HPGDS: variants seen among roughly 807,000 people sequenced by gnomAD.
HPGDS encodes hematopoietic prostaglandin D synthase.
In HPGDS, 26 loss-of-function variants were observed where a neutral mutation model predicts 23.1. The observed-to-expected ratio is 1.13, with a 90% CI of 0.83 to 1.56. The LOEUF (loss-of-function observed/expected upper bound fraction) is 1.56, where lower values mean the gene tolerates loss of function less well. HPGDS is among the 40% of genes most tolerant of loss of function. The pLI, the probability that HPGDS is intolerant of heterozygous loss-of-function variation, is 0.00. For missense variants in HPGDS, 268 were observed against 236.4 expected (o/e 1.13, Z -0.88); for synonymous variants, 95 against 77.9 (o/e 1.22, Z -1.16).
In HPGDS at chr4:94,299,505, T is replaced by C. The variant is rs952826931; in HGVS notation, c.575A>G (p.Lys192Arg). 6.2e-7 allele frequency: 1 copy of C among 1,613,230 alleles called. No homozygotes were observed. The highest frequency in any genetic ancestry group is 1.3e-5 in the African/African-American group (1 of 74,720). The change falls in exon 6 of 6, where the codon AAA (lysine) becomes AGA (arginine). Residue 192 changes from lysine (K) to arginine (R), a missense_variant. Physicochemically the swap from Lys to Arg is conservative, Grantham distance 26. Transcript: ENST00000295256. ...CTAGAGTTTGGTTTGGGGCCTTCGT[T>C]TTATCCAGTTAGCGACGGCAGGAAT... is the stretch of plus-strand genomic sequence containing the variant. ...QAIPAVANWI[K>R]RRPQTKL
intron 1 of HPGDS, among the ~76,000 whole-genome samples, chr4:94,339,422 G>A (rs1721089647): frequency 6.6e-6 from 1 of 152,098 alleles, no homozygotes; most frequent in South Asian, 2.1e-4. Context: ...AGTATATCGT[G>A]TAAAGTTACT....
intron 2 of HPGDS, among the ~76,000 whole-genome samples, chr4:94,329,480 T>C (rs1447803264): frequency 6.6e-6 from 1 of 152,184 alleles, no homozygotes; most frequent in Non-Finnish European, 1.5e-5. Flanking sequence ...CTTGGCACTC[T>C]TCACCTGGAG....
intron 3 of HPGDS, among the ~76,000 whole-genome samples, chr4:94,316,686 G>T (rs914398458): frequency 6.6e-6 from 1 of 152,114 alleles, no homozygotes; most frequent in Non-Finnish European, 1.5e-5. Flanking sequence ...TTTTCTCTCT[G>T]CTTAGAATGT....
At chr4:94,323,563 T>C (rs1269064348) in intron 2 of HPGDS, among the ~76,000 whole-genome samples, 4 of 152,200 alleles carry the variant, frequency 2.6e-5, no homozygotes, top group African/African-American at 9.7e-5. Flanking sequence ...AAGTCTGTTT[T>C]ATCAGAGAGT....
chr4:94,306,039 AAC>A (rs1451358217), intron 4 of HPGDS, among the ~76,000 whole-genome samples: 2 of 152,124 alleles, frequency 1.3e-5, no homozygotes, highest in African/African-American at 4.8e-5. Flanking sequence ...AGCTGAGAGT[AAC>A]ACAGGCACAT....
chr4:94,323,686 C>G (rs1442901356), intron 2 of HPGDS, among the ~76,000 whole-genome samples: 1 of 152,106 alleles, frequency 6.6e-6, no homozygotes, highest in African/African-American at 2.4e-5. Context: ...CTCCTGAATA[C>G]AGCACACTGA....
chr4:94,317,118 A>G (rs907388868), intron 3 of HPGDS, among the ~76,000 whole-genome samples: 15 of 148,988 alleles, frequency 1.0e-4, no homozygotes, highest in African/African-American at 3.6e-4. Context: ...GTATGTGTCT[A>G]TGGCTTGGAT....
intron 1 of HPGDS, among the ~76,000 whole-genome samples, chr4:94,339,854 T>C (rs1721101993): frequency 6.6e-6 from 1 of 152,074 alleles, no homozygotes; most frequent in Non-Finnish European, 1.5e-5. Context: ...ACTGACTTCA[T>C]GGTAGTAAAT....
chr4:94,313,298 G>T (rs947392541), intron 3 of HPGDS, among the ~76,000 whole-genome samples: 7 of 152,148 alleles, frequency 4.6e-5, no homozygotes, highest in Admixed American at 2.0e-4. Flanking sequence ...TCCATGTTTA[G>T]TGCTTCCTTC....
At chr4:94,325,278 C>A (rs1051617289) in intron 2 of HPGDS, among the ~76,000 whole-genome samples, 3 of 152,212 alleles carry the variant, frequency 2.0e-5, no homozygotes, top group Non-Finnish European at 2.9e-5. Context: ...TCTCAGAACT[C>A]AAACACCATG....
At chr4:94,317,048 T>C (rs887985860) in intron 3 of HPGDS, among the ~76,000 whole-genome samples, 23 of 152,234 alleles carry the variant, frequency 1.5e-4, no homozygotes, top group African/African-American at 5.3e-4. Flanking sequence ...ATTTTTAAAA[T>C]ACACTATTTC....
At chr4:94,333,306 C>T (rs770752721) in intron 2 of HPGDS, among the ~76,000 whole-genome samples, 4 of 152,192 alleles carry the variant, frequency 2.6e-5, no homozygotes, top group African/African-American at 7.2e-5. Context: ...TCTCAATTTT[C>T]CTTGTAGTAA....
chr4:94,305,080 T>C (rs1325999123), intron 4 of HPGDS, among the ~76,000 whole-genome samples: 1 of 152,142 alleles, frequency 6.6e-6, no homozygotes, highest in Non-Finnish European at 1.5e-5. Flanking sequence ...CACCAAAGTA[T>C]ATAACACTAT....
At chr4:94,324,283 T>C (rs565870257) in intron 2 of HPGDS, among the ~76,000 whole-genome samples, 6 of 152,214 alleles carry the variant, frequency 3.9e-5, no homozygotes, top group African/African-American at 1.4e-4. Context: ...GTTCTCTGTA[T>C]TTCCTGAATT....
chr4:94,314,301 G>A (rs892279339), intron 3 of HPGDS, among the ~76,000 whole-genome samples: 6 of 152,106 alleles, frequency 3.9e-5, no homozygotes, highest in African/African-American at 9.7e-5. Flanking sequence ...TGATGGTGAC[G>A]TACAGATGGA....
intron 2 of HPGDS, among the ~76,000 whole-genome samples, chr4:94,323,572 G>C (rs901003414): frequency 4.6e-5 from 7 of 152,032 alleles, no homozygotes; most frequent in Admixed American, 2.0e-4. Context: ...TTATCAGAGA[G>C]TAGGATTGCA....
At chr4:94,330,477 A>C (rs1247148965) in intron 2 of HPGDS, among the ~76,000 whole-genome samples, 1 of 152,144 alleles carries the variant, frequency 6.6e-6, no homozygotes, top group African/African-American at 2.4e-5. Context: ...GTTTCTTTAA[A>C]TATTTGGTTG....
intron 3 of HPGDS, among the ~76,000 whole-genome samples, chr4:94,309,199 C>T (rs564662490): frequency 2.4e-4 from 37 of 151,318 alleles, no homozygotes; most frequent in Admixed American, 6.6e-4. Flanking sequence ...TATACATGTG[C>T]CATGTTGGTG....
intron 3 of HPGDS, among the ~76,000 whole-genome samples, chr4:94,315,455 C>T (rs990938505): frequency 3.9e-5 from 6 of 152,084 alleles, no homozygotes; most frequent in African/African-American, 1.4e-4. Context: ...TGTTTTCTGA[C>T]TGGAGACTAA....
Sources: allele counts gnomAD v4.1 joint callset (sites outside exome capture counted in the v4.1 genomes callset), GRCh38; gene constraint gnomAD v4.1.1; transcripts MANE v1.5; gene names NCBI Gene and HGNC (gene_info 2026-07-23, HGNC 2026-07-21).